The following RFX4 variants were observed in gnomAD, a reference collection of about 807,000 sequenced individuals.
RFX4 encodes regulatory factor X4, also known as transcription factor RFX4.
Under a neutral mutation model 95.0 loss-of-function variants are expected in RFX4, and 10 were observed. That is an observed-to-expected ratio of 0.11 (90% CI 0.06 to 0.18). RFX4 has a LOEUF of 0.18. Among genes scored for constraint, RFX4 ranks in the 10% least tolerant of loss-of-function variants. The probability of loss-of-function intolerance (pLI) is 1.00; values close to 1 mark genes in which losing one functional copy is unlikely to be tolerated. For synonymous variants in RFX4, 321 were observed against 340.7 expected, an observed-to-expected ratio of 0.94 and a Z score of 0.64; for missense variants, 640 against 922.0, an observed-to-expected ratio of 0.69 and a Z score of 3.96.
At chr12:106,738,999 C>G (rs2042760058) in intron 15 of RFX4, among the ~76,000 whole-genome samples, 1 of 150,250 alleles carries the variant, frequency 6.7e-6, no homozygotes, top group Non-Finnish European at 1.5e-5. Flanking sequence ...GGTTTTCATG[C>G]CCAGTTAATT....
At chr12:106,633,630 G>A (rs2040459221) in intron 2 of RFX4, among the ~76,000 whole-genome samples, 1 of 152,152 alleles carries the variant, frequency 6.6e-6, no homozygotes, top group Admixed American at 6.5e-5. Context: ...TCAAGTTGCT[G>A]CTCAAAGTCC....
At chr12:106,677,978 G>T (rs1014673986) in intron 4 of RFX4, among the ~76,000 whole-genome samples, 1 of 152,016 alleles carries the variant, frequency 6.6e-6, no homozygotes, top group Non-Finnish European at 1.5e-5. Flanking sequence ...GATTGATGCT[G>T]GTCACACAGA....
chr12:106,722,829 C>T (rs995103599), intron 13 of RFX4, among the ~76,000 whole-genome samples: 2 of 152,128 alleles, frequency 1.3e-5, no homozygotes, highest in African/African-American at 4.8e-5. Context: ...AGCCCAGCTC[C>T]CCCTTTCTGC....
At chr12:106,677,685 C>A (rs2041420746) in intron 4 of RFX4, among the ~76,000 whole-genome samples, 1 of 152,036 alleles carries the variant, frequency 6.6e-6, no homozygotes, top group Non-Finnish European at 1.5e-5. Flanking sequence ...CCAGCCTGGT[C>A]AACAGAGTGA....
chr12:106,665,373 A>T (rs2041155603), intron 4 of RFX4, among the ~76,000 whole-genome samples: 1 of 151,924 alleles, frequency 6.6e-6, no homozygotes, highest in African/African-American at 2.4e-5. Context: ...ATCTACATGG[A>T]TCTTTATATT....
At chr12:106,729,041 G>A (rs2042559720) in intron 13 of RFX4, among the ~76,000 whole-genome samples, 1 of 152,158 alleles carries the variant, frequency 6.6e-6, no homozygotes, top group Non-Finnish European at 1.5e-5. Flanking sequence ...GTTCAGCTCT[G>A]ATGTTTTCTA....
chr12:106,629,391 G>T (rs1406152055), intron 2 of RFX4, among the ~76,000 whole-genome samples: 1 of 152,166 alleles, frequency 6.6e-6, no homozygotes, highest in Non-Finnish European at 1.5e-5. Flanking sequence ...GGGGCTGCTG[G>T]ATAAAGGGTA....
intron 3 of RFX4, among the ~76,000 whole-genome samples, chr12:106,649,654 A>G (rs10450761): frequency 0.31 from 47,238 of 152,040 alleles, 8,054 homozygotes; most frequent in African/African-American, 0.45. Context: ...CAGATTTAGT[A>G]AGCACACAAG....
chr12:106,753,663 C>T (rs972264073), intron 17 of RFX4, among the ~76,000 whole-genome samples: 4 of 152,190 alleles, frequency 2.6e-5, no homozygotes, highest in African/African-American at 9.7e-5. Context: ...AAGTGAGACT[C>T]ACAGTAACCT....
intron 4 of RFX4, among the ~76,000 whole-genome samples, chr12:106,666,788 C>T (rs2041185710): frequency 6.6e-6 from 1 of 152,216 alleles, no homozygotes; most frequent in South Asian, 2.1e-4. Flanking sequence ...TCTCTGCTCA[C>T]ATGGTCCATC....
At chr12:106,625,625 A>G (rs2040282387) in intron 2 of RFX4, among the ~76,000 whole-genome samples, 1 of 152,232 alleles carries the variant, frequency 6.6e-6, no homozygotes, top group African/African-American at 2.4e-5. Context: ...TGGATTAGAC[A>G]GAGTTGTATG....
At chr12:106,697,215 C>T (rs2041897760) in intron 8 of RFX4, among the ~76,000 whole-genome samples, 1 of 152,138 alleles carries the variant, frequency 6.6e-6, no homozygotes, top group African/African-American at 2.4e-5. Context: ...TCTACTCCGT[C>T]CACACCTTTG....
At chr12:106,585,870 G>C (rs2039447770) in intron 1 of RFX4, 1 of 152,244 alleles carries the variant, frequency 6.6e-6, no homozygotes, top group South Asian at 2.1e-4. Flanking sequence ...GAAGTGCCTC[G>C]GGCCCGGGAG....
At chr12:106,649,110 A>T (rs915116368) in intron 3 of RFX4, among the ~76,000 whole-genome samples, 2 of 152,186 alleles carry the variant, frequency 1.3e-5, no homozygotes, top group African/African-American at 4.8e-5. Context: ...CATTAAAAAA[A>T]ACCCAGGTAT....
chr12:106,721,116 A>C (rs1246255751), intron 13 of RFX4, among the ~76,000 whole-genome samples: 1 of 152,138 alleles, frequency 6.6e-6, no homozygotes, highest in East Asian at 1.9e-4. Context: ...TCTGAGCTTA[A>C]AGAAGAATAA....
At chr12:106,750,553 A>G in intron 16 of RFX4, 102 bp from the exon 17 acceptor site, 1 of 1,191,194 alleles carries the variant, frequency 8.4e-7, no homozygotes, top group Non-Finnish European at 1.1e-6. Context: ...AAAGAGAAAA[A>G]AGAAGAAAAA....
chr12:106,631,418 T>C (rs1426298064), intron 2 of RFX4, among the ~76,000 whole-genome samples: 3 of 152,238 alleles, frequency 2.0e-5, no homozygotes, highest in Non-Finnish European at 4.4e-5. Flanking sequence ...TGGTCAGTGC[T>C]GCAGACTGAA....
intron 2 of RFX4, among the ~76,000 whole-genome samples, chr12:106,614,666 G>A (rs948241685): frequency 2.0e-5 from 3 of 151,748 alleles, no homozygotes; most frequent in Non-Finnish European, 4.4e-5. Context: ...CCGCCACCAC[G>A]CCCGGCTAAT....
intron 17 of RFX4, among the ~76,000 whole-genome samples, chr12:106,751,220 AATG>A (rs1410551405): frequency 2.0e-5 from 3 of 151,548 alleles, no homozygotes; most frequent in African/African-American, 7.3e-5. Flanking sequence ...ATTTACTGAG[AATG>A]ATGATTTCCA....
Sources: gnomAD v4.1 joint callset for allele counts (sites outside exome capture counted in the v4.1 genomes callset) on GRCh38, gnomAD v4.1.1 for gene constraint, MANE v1.5 for transcripts, NCBI Gene and HGNC (gene_info 2026-07-23, HGNC 2026-07-21) for gene names.